Variants in FLI1 observed in about 807,000 individuals in gnomAD.
The protein encoded by FLI1 is Fli-1 proto-oncogene, ETS transcription factor, also known as Friend leukemia integration 1 transcription factor.
In FLI1, 13 loss-of-function variants were observed where a neutral mutation model predicts 53.1. The ratio of observed to expected loss-of-function variants is 0.24; its 90% CI spans 0.16 to 0.39. The LOEUF is 0.39. FLI1 is among the 10% of genes least tolerant of loss of function. The pLI is 1.00. For missense variants in FLI1, 424 were observed against 600.5 expected, an observed-to-expected ratio of 0.71 and a Z score of 3.07; for synonymous variants, 244 against 236.7, an observed-to-expected ratio of 1.03 and a Z score of -0.28.
intron 1 of FLI1, among the ~76,000 whole-genome samples, chr11:128,742,436 G>A (rs1940178990): frequency 6.6e-6 from 1 of 152,178 alleles, no homozygotes; most frequent in South Asian, 2.1e-4. Context: ...ACATGTTAAA[G>A]AAATATCCAG....
chr11:128,767,917 T>C (rs1251607296), intron 2 of FLI1, among the ~76,000 whole-genome samples: 1 of 152,152 alleles, frequency 6.6e-6, no homozygotes, highest in Non-Finnish European at 1.5e-5. Context: ...ACTGTAATTA[T>C]AGGATTGGGC....
rs950117400 is a variant in FLI1 at position 128,748,356 on chromosome 11, GC to G, written c.19-9757del. 39 of 727,254 alleles carry G rather than the reference GC, an allele frequency of 5.4e-5. No individual in the cohort carries two copies. In the African/African-American group the frequency reaches 7.1e-4, roughly 13 times the overall value. 45.1% of individuals were successfully genotyped at this position (727,254 alleles called of 1,614,324 possible). On this transcript the variant is annotated intron_variant, in intron 1 of 8. Coordinates refer to ENST00000527786, the MANE Select transcript of FLI1 (RefSeq NM_002017.5). ...TTCAACAAGACTCCTTGAAAAGTCAGCCGGGGTCCAGGCACGGTGGCTCACA... is the reference window on the plus strand; with the variant it reads ...TTCAACAAGACTCCTTGAAAAGTCAGCGGGGTCCAGGCACGGTGGCTCACA...
At chr11:128,696,555 CT>C (rs1386673346) in intron 1 of FLI1, among the ~76,000 whole-genome samples, 3 of 152,172 alleles carry the variant, frequency 2.0e-5, no homozygotes, top group African/African-American at 7.2e-5. Context: ...ACTAGGTTAC[CT>C]CTACAGTAGT....
intron 1 of FLI1, among the ~76,000 whole-genome samples, chr11:128,697,820 A>G (rs1938151335): frequency 6.6e-6 from 1 of 152,178 alleles, no homozygotes; most frequent in Admixed American, 6.5e-5. Context: ...TGTATTGAGG[A>G]TAAAACAGGG....
At chr11:128,787,348 C>T (rs1045568156) in intron 5 of FLI1, among the ~76,000 whole-genome samples, 3 of 152,130 alleles carry the variant, frequency 2.0e-5, no homozygotes, top group Non-Finnish European at 4.4e-5. Flanking sequence ...TTCAGGGTTC[C>T]TTAGAAGGCA....
At chr11:128,784,756 C>A (rs1942034642) in intron 5 of FLI1, among the ~76,000 whole-genome samples, 1 of 152,208 alleles carries the variant, frequency 6.6e-6, no homozygotes, top group Admixed American at 6.5e-5. Flanking sequence ...TAATCACTAT[C>A]TATTAGCTAT....
chr11:128,759,004 C>T (rs1227458691), intron 2 of FLI1, among the ~76,000 whole-genome samples: 1 of 152,228 alleles, frequency 6.6e-6, no homozygotes, highest in Middle Eastern at 3.2e-3. Context: ...CCTCAGAGCA[C>T]CAGCTTTCTC....
At chr11:128,728,174 G>A (rs572810926) in intron 1 of FLI1, among the ~76,000 whole-genome samples, 2 of 152,356 alleles carry the variant, frequency 1.3e-5, no homozygotes, top group East Asian at 1.9e-4. Context: ...GGGGGCTAAC[G>A]CTGTCTCCAC....
intron 1 of FLI1, among the ~76,000 whole-genome samples, chr11:128,717,066 G>T (rs956572206): frequency 6.6e-6 from 1 of 152,058 alleles, no homozygotes. Context: ...AAGCAGTGGC[G>T]GCTTCTGCTT....
intron 2 of FLI1, among the ~76,000 whole-genome samples, chr11:128,766,380 T>C (rs1447235953): frequency 1.3e-5 from 2 of 152,206 alleles, no homozygotes; most frequent in African/African-American, 4.8e-5. Context: ...GGAAAAACAG[T>C]AGGCGAATAG....
In FLI1 at chr11:128,810,859, C is replaced by T; in HGVS notation, c.1230C>T (p.Val410=). The change falls in exon 9 of 9, where the codon GTC becomes GTT. Residue 410 remains valine, a synonymous_variant. Transcript: ENST00000527786. This position sits in a 1 kb window ranked among gnomAD's most constrained non-coding sequence, Gnocchi z 6.6. ...FVPPHPSSMP[V]TSSSFFGAAS... is the part of the protein sequence containing the mutation. Reference sequence around the variant, plus strand: ...CTCCCCATCCATCCTCCATGCCTGTCACTTCCTCCAGCTTCTTTGGAGCCG... The same window carrying T: ...CTCCCCATCCATCCTCCATGCCTGTTACTTCCTCCAGCTTCTTTGGAGCCG... The T allele has an allele frequency of 6.2e-7, 1 of 1,614,070 alleles. No homozygotes were observed. Among genetic ancestry groups the T allele is most frequent in the East Asian group, 2.2e-5 (1 of 44,880 alleles).
chr11:128,750,029 C>T (rs1418351510), intron 1 of FLI1, among the ~76,000 whole-genome samples: 1 of 152,242 alleles, frequency 6.6e-6, no homozygotes. Flanking sequence ...ATCTTGTTCG[C>T]ATTTCATATT....
intron 5 of FLI1, 52 bp downstream of exon 5, chr11:128,782,075 ACAGGCC>A: frequency 7.2e-7 from 1 of 1,386,360 alleles, no homozygotes; most frequent in Non-Finnish European, 1.0e-6. Flanking sequence ...CAGACATGAC[ACAGGCC>A]CATGCTGTTA....
chr11:128,719,356 CGTGTGT>C (rs56336914), intron 1 of FLI1, among the ~76,000 whole-genome samples: 4,604 of 145,260 alleles, frequency 0.032, 178 homozygotes, highest in African/African-American at 0.092. Context: ...CCCCTTTTCC[CGTGTGT>C]GTGTGTGTGT....
At chr11:128,696,617 AAC>A (rs1266354069) in intron 1 of FLI1, among the ~76,000 whole-genome samples, 1 of 152,182 alleles carries the variant, frequency 6.6e-6, no homozygotes, top group Non-Finnish European at 1.5e-5. Flanking sequence ...TGTTTACAAG[AAC>A]ACTTGCCTGT....
intron 5 of FLI1, among the ~76,000 whole-genome samples, chr11:128,794,895 G>A (rs1357470419): frequency 6.6e-6 from 1 of 152,106 alleles, no homozygotes; most frequent in Non-Finnish European, 1.5e-5. Flanking sequence ...AGGCAACATG[G>A]GGAGAGTCAA....
rs1327635427 is a variant in FLI1 at position 128,703,943 on chromosome 11, CG to C, written c.18+9669del. On this transcript the variant is annotated intron_variant, in intron 1 of 8. Coordinates refer to ENST00000527786, the MANE Select transcript of FLI1 (RefSeq NM_002017.5). ...GATTTTATCCTGAATGTGCTGGTCC[CG>C]GTGACTTTAAGATTCGAAATTGAGG... 4.0e-5 allele frequency among the ~76,000 whole-genome samples: 6 copies of C among 151,740 alleles called. No homozygotes were observed. The East Asian group carries it at 9.7e-4, about 24-fold the overall frequency.
At chr11:128,719,279 A>T (rs1486283553) in intron 1 of FLI1, among the ~76,000 whole-genome samples, 1 of 50,576 alleles carries the variant, frequency 2.0e-5, no homozygotes, top group East Asian at 5.3e-4. Context: ...CAGTTAGATT[A>T]AAAAAAAAAA....
rs1234829717 is a variant in FLI1, at chr11:128,813,202, A to G, written c.*2214A>G. 7 of 155,146 alleles carry G rather than the reference A, an allele frequency of 4.5e-5. 2 individuals carry two copies. The highest frequency in any genetic ancestry group is 1.0e-4 in the Non-Finnish European group (7 of 69,806). The allele number at this position is 155,146 out of a possible 1,614,324, so 9.6% of individuals were successfully genotyped here. A position where few individuals can be genotyped will look rare whatever the true frequency, so the allele number is the denominator to read the frequency against. ...AAACTGTTACATTATTCTTCATATT[A>G]GAAAACAAATACAAAATAGAACATT... is the stretch of plus-strand genomic sequence containing the variant. On this transcript the variant is annotated 3_prime_UTR_variant, in exon 9 of 9. Transcript: ENST00000527786.
Sources: allele counts gnomAD v4.1 joint callset (sites outside exome capture counted in the v4.1 genomes callset), GRCh38; gene constraint gnomAD v4.1.1; non-coding constraint Gnocchi (gnomAD v3.1); transcripts MANE v1.5; gene names NCBI Gene and HGNC (gene_info 2026-07-23, HGNC 2026-07-21).